CCDC59: variants seen among roughly 807,000 people sequenced by gnomAD.
The protein encoded by CCDC59 is thyroid transcription factor 1-associated protein 26.
Under a neutral mutation model 30.5 loss-of-function variants are expected in CCDC59, and 27 were observed. That is an observed-to-expected ratio of 0.89 (90% CI 0.65 to 1.22). CCDC59 has a LOEUF of 1.22. Among genes scored for constraint, CCDC59 ranks in the 50% most tolerant of loss-of-function variants. The pLI, the probability that CCDC59 is intolerant of heterozygous loss-of-function variation, is 0.00. For missense variants in CCDC59, 362 were observed against 284.4 expected (o/e 1.27, Z -1.96); for synonymous variants, 125 against 100.9 (o/e 1.24, Z -1.43).
intron 1 of CCDC59, among the ~76,000 whole-genome samples, chr12:82,357,808 A>C (rs1422721787): frequency 1.3e-5 from 2 of 152,176 alleles, no homozygotes; most frequent in Admixed American, 1.3e-4. Context: ...AGCAATACAA[A>C]ATGACAAACA....
At chr12:82,357,519 C>A (rs1190415589) in intron 1 of CCDC59, among the ~76,000 whole-genome samples, 1 of 152,156 alleles carries the variant, frequency 6.6e-6, no homozygotes, top group Non-Finnish European at 1.5e-5. Flanking sequence ...GAAAAACTGA[C>A]CAGTTCAGAC....
Position 82,358,257 on chromosome 12 carries a change from G to T in CCDC59, c.120C>A (p.Asn40Lys). 6.2e-7 allele frequency: 1 copy of T among 1,614,194 alleles called. No individual in the cohort carries two copies. Among genetic ancestry groups the T allele is most frequent in the Non-Finnish European group, 8.5e-7 (1 of 1,180,032 alleles). The change falls in exon 1 of 4, where the codon AAC becomes AAA. Residue 40 changes from asparagine (N) to lysine (K), a missense_variant. Transcript: ENST00000256151. ...CGCTCCCCACGAAGGCTTGCGGGTG[G>T]TTAGGCCGCCATGTCTTCTGTCTCA... ...KNVRQKTWRP[N>K]HPQAFVGSVR...
At chr12:82,358,471 C>T (rs1040147004), upstream of CCDC59, 7 of 1,599,106 alleles carry the variant, frequency 4.4e-6, no homozygotes, top group African/African-American at 6.7e-5. Flanking sequence ...AGGAATCCGG[C>T]TCGGAGCTCT....
chr12:82,357,155 G>C lies in CCDC59; in HGVS notation c.269C>G (p.Pro90Arg). Residue 90 changes from proline to arginine, a missense_variant, in exon 2 of 4, where the codon CCA becomes CGA. Coordinates refer to ENST00000256151, the MANE Select transcript of CCDC59 (RefSeq NM_014167.5). ...SLESQFTDRY[P>R]DNLKHLYLAE... ...TAAATAGAGATGTTTCAGATTATCT[G>C]GGTATCGATCTGTGAATTGAGATTC... is the stretch of plus-strand genomic sequence containing the variant. 1 of 1,614,082 alleles carries C rather than the reference G, an allele frequency of 6.2e-7. No homozygotes were observed. The highest frequency in any genetic ancestry group is 8.5e-7 in the Non-Finnish European group (1 of 1,179,956).
At chr12:82,358,435 C>G, upstream of CCDC59, 1 of 1,606,304 alleles carries the variant, frequency 6.2e-7, no homozygotes. Flanking sequence ...AATACGTCAC[C>G]AAGCCGAAGC....
Position 82,353,123 on chromosome 12 carries a change from G to C in CCDC59, c.*28C>G. 6.4e-7 allele frequency: 1 copy of C among 1,565,928 alleles called. No individual in the cohort carries two copies. Among genetic ancestry groups the C allele is most frequent in the Middle Eastern group, 2.4e-4 (1 of 4,182 alleles). On this transcript the variant is annotated 3_prime_UTR_variant, in exon 4 of 4. Transcript: ENST00000256151. ...TCACAGAAGAACCTAATAGGCAGCAGATATTTTAACCTGTAGGAACAAAAT... is the reference window on the plus strand; with the variant it reads ...TCACAGAAGAACCTAATAGGCAGCACATATTTTAACCTGTAGGAACAAAAT...
upstream of CCDC59, chr12:82,358,396 C>A: frequency 1.9e-6 from 3 of 1,612,092 alleles, no homozygotes; most frequent in Non-Finnish European, 2.5e-6. Context: ...CTAACTGCGT[C>A]ATCAGAAGAC....
intron 2 of CCDC59, 110 bp downstream of exon 2, chr12:82,356,850 T>C: frequency 1.1e-6 from 1 of 872,926 alleles, no homozygotes; most frequent in South Asian, 2.4e-5. Flanking sequence ...AAACCGTGAC[T>C]TCTAAAATGT....
chr12:82,356,893 A>G lies in CCDC59; in HGVS notation c.464+67T>C, dbSNP rs1484169259. 3.7e-5 allele frequency: 45 copies of G among 1,229,226 alleles called. No individual in the cohort carries two copies. The East Asian group carries it at 1.1e-3, about 30-fold the overall frequency. 76.1% of individuals were successfully genotyped at this position (1,229,226 alleles called of 1,614,324 possible). Reference sequence around the variant, plus strand: ...AAGAAAAAATACAATTCCTATATAAATTATCCTATAGTACTTTTAAATAAT... The same window carrying G: ...AAGAAAAAATACAATTCCTATATAAGTTATCCTATAGTACTTTTAAATAAT... On this transcript the variant is annotated intron_variant, in intron 2 of 3. Coordinates refer to ENST00000256151, the MANE Select transcript of CCDC59 (RefSeq NM_014167.5).
chr12:82,358,361 G>C lies in CCDC59; in HGVS notation c.16C>G (p.Arg6Gly). The change falls in exon 1 of 4, where the codon CGG (arginine) becomes GGG (glycine). Residue 6 changes from arginine (R) to glycine (G), a missense_variant. Transcript: ENST00000256151. ...CCACCAGGCCGCCACTTCGCGGACC[G>C]CCTCACCGGCGCCATTGCAGCCGAC... is the stretch of plus-strand genomic sequence containing the variant. MAPVRRSAKWRPGGIE... is the reference protein window; with the variant it reads MAPVRGSAKWRPGGIE... 2.5e-6 allele frequency: 4 copies of C among 1,613,418 alleles called. No individual in the cohort carries two copies. Among genetic ancestry groups the C allele is most frequent in the Non-Finnish European group, 3.4e-6 (4 of 1,180,018 alleles).
Position 82,353,200 on chromosome 12 carries a change from A to C in CCDC59, c.677T>G (p.Leu226Trp). 1 of 1,610,310 alleles carries C rather than the reference A, an allele frequency of 6.2e-7. No homozygotes were observed. The highest frequency in any genetic ancestry group is 8.5e-7 in the Non-Finnish European group (1 of 1,179,092). ...AAGAAGGTACTCCATTTGTACATTC[A>C]AGTTTGGTTGGCCCTTTTTAGTCTT... ...NKKTKKGQPN[L>W]NVQMEYLLQK... Residue 226 changes from leucine to tryptophan, a missense_variant, in exon 4 of 4, where the codon TTG (leucine) becomes TGG (tryptophan). By Grantham distance (61) the Leu-to-Trp change is moderately conservative. Transcript: ENST00000256151.
chr12:82,358,514 T>G, upstream of CCDC59: 1 of 1,598,288 alleles, frequency 6.3e-7, no homozygotes, highest in Non-Finnish European at 8.5e-7. Context: ...TGGGCCGAGC[T>G]GGCGCCTCAC....
In CCDC59 at chr12:82,358,382, C is replaced by T. The variant is rs764392393; in HGVS notation, c.-6G>A. ...GACCGCCTCACCGGCGCCATTGCAG[C>T]CGACTAACTGCGTCATCAGAAGACC... On this transcript the variant is annotated 5_prime_UTR_variant, in exon 1 of 4. Coordinates refer to ENST00000256151, the MANE Select transcript of CCDC59 (RefSeq NM_014167.5). 4.3e-6 allele frequency: 7 copies of T among 1,612,896 alleles called. No homozygotes were observed. The East Asian group carries it at 1.1e-4, about 26-fold the overall frequency.
intron 2 of CCDC59, 177 bp downstream of exon 2, chr12:82,356,783 G>C (rs538717517): frequency 7.4e-5 from 40 of 540,316 alleles, no homozygotes; most frequent in Admixed American, 1.3e-4. Context: ...GGCTAAACCA[G>C]CCTAATTCAG....
Position 82,352,488 on chromosome 12 carries a change from G to A in CCDC59, c.*663C>T, listed in dbSNP as rs1416383062. The A allele has an allele frequency of 1.3e-5, 2 of 152,258 alleles. No individual in the cohort carries two copies. Among genetic ancestry groups the A allele is most frequent in the Non-Finnish European group, 2.9e-5 (2 of 68,032 alleles). The allele number at this position is 152,258 out of a possible 1,614,324, so 9.4% of individuals were successfully genotyped here. A position where few individuals can be genotyped will look rare whatever the true frequency, so the allele number is the denominator to read the frequency against. ...CAAGGGTACCAACAAGGGAGACAGA[G>A]ATAATGTTCTTAAAGTATAGGGTCC... On this transcript the variant is annotated 3_prime_UTR_variant, in exon 4 of 4. Transcript: ENST00000256151.
At chr12:82,358,384 GACTA>G (rs1881237619) in exon 1 of CCDC59, 1 of 1,612,662 alleles carries the variant, frequency 6.2e-7, no homozygotes, top group Non-Finnish European at 8.5e-7. Flanking sequence ...CATTGCAGCC[GACTA>G]ACTGCGTCAT....
chr12:82,358,502 T>G (rs1881252745), upstream of CCDC59: 1 of 1,596,746 alleles, frequency 6.3e-7, no homozygotes, highest in Non-Finnish European at 8.5e-7. Flanking sequence ...CCTGTGCTAA[T>G]TTGGGCCGAG....
In CCDC59 at chr12:82,353,086, G is replaced by T; in HGVS notation, c.*65C>A. 1 of 1,305,020 alleles carries T rather than the reference G, an allele frequency of 7.7e-7. No individual in the cohort carries two copies. The highest frequency in any genetic ancestry group is 1.1e-6 in the Non-Finnish European group (1 of 945,768). The allele number at this position is 1,305,020 out of a possible 1,614,324, so 80.8% of individuals were successfully genotyped here. ...ATGTCGACAAATTTAGTTCACTGCTGGGAGGCACATGTCACAGAAGAACCT... is the reference window on the plus strand; with the variant it reads ...ATGTCGACAAATTTAGTTCACTGCTTGGAGGCACATGTCACAGAAGAACCT... On this transcript the variant is annotated 3_prime_UTR_variant, in exon 4 of 4. Coordinates refer to ENST00000256151, the MANE Select transcript of CCDC59 (RefSeq NM_014167.5).
At chr12:82,358,568 G>T (rs779827844), upstream of CCDC59, 7 of 1,609,992 alleles carry the variant, frequency 4.3e-6, no homozygotes, top group Non-Finnish European at 5.9e-6. Context: ...TGAGCGTCAT[G>T]GCGGCTTCTT....
Sources: allele counts gnomAD v4.1 joint callset (sites outside exome capture counted in the v4.1 genomes callset), GRCh38; gene constraint gnomAD v4.1.1; transcripts MANE v1.5; gene names NCBI Gene and HGNC (gene_info 2026-07-23, HGNC 2026-07-21).